QKI: variants seen among roughly 807,000 people sequenced by gnomAD.
QKI encodes the protein KH domain-containing RNA-binding protein QKI.
In QKI, 10 loss-of-function variants were observed where a neutral mutation model predicts 39.0. The observed-to-expected ratio is 0.26, with a 90% confidence interval of 0.16 to 0.43. The LOEUF (loss-of-function observed/expected upper bound fraction) is 0.43. QKI is among the 20% of genes least tolerant of loss of function. The pLI is 1.00. For synonymous variants in QKI, 204 were observed against 155.4 expected, an observed-to-expected ratio of 1.31 and a Z score of -2.33; for missense variants, 218 against 428.0, an observed-to-expected ratio of 0.51 and a Z score of 4.33.
In QKI at chr6:163,570,700, C is replaced by T. The variant is rs1783655075; in HGVS notation, c.1016C>T (p.Thr339Ile). The T allele has an allele frequency of 6.2e-7, 1 of 1,612,374 alleles. No homozygotes were observed. Among genetic ancestry groups the T allele is most frequent in the South Asian group, 1.1e-5 (1 of 90,986 alleles). ...TTTGTTTCTAACCACCCAGCCGCCA[C>T]CGGCAACTAACCTATGACCTTCTGA... ...QRIVTADRAA[T>I]GN is the part of the protein sequence containing the mutation. Residue 339 changes from threonine (T) to isoleucine (I), a missense_variant, in exon 8 of 8, where the codon ACC becomes ATC. Transcript: ENST00000361752.
At chr6:163,561,381 A>G (rs902123176) in intron 4 of QKI, among the ~76,000 whole-genome samples, 1 of 152,158 alleles carries the variant, frequency 6.6e-6, no homozygotes, top group Non-Finnish European at 1.5e-5. Flanking sequence ...CTGAAGCAGG[A>G]GGATCACTTG....
intron 3 of QKI, among the ~76,000 whole-genome samples, chr6:163,528,358 GT>G (rs796142627): frequency 6.5e-4 from 99 of 152,220 alleles, no homozygotes; most frequent in African/African-American, 2.3e-3. Context: ...TTATGATGCT[GT>G]TTTAGGTCAA....
intron 3 of QKI, among the ~76,000 whole-genome samples, chr6:163,483,542 A>C (rs558405795): frequency 2.6e-4 from 40 of 152,290 alleles, no homozygotes; most frequent in African/African-American, 8.4e-4. Flanking sequence ...CTACAAATAC[A>C]TTTCATCTCA....
chr6:163,478,470 T>G (rs1792796264), intron 2 of QKI, among the ~76,000 whole-genome samples: 1 of 152,218 alleles, frequency 6.6e-6, no homozygotes, highest in Non-Finnish European at 1.5e-5. Context: ...GCATCTAATA[T>G]TTTGTCAAAC....
chr6:163,562,102 C>T (rs559055789), intron 5 of QKI, 33 bp downstream of exon 5: 87 of 1,532,376 alleles, frequency 5.7e-5, no homozygotes, highest in Non-Finnish European at 7.6e-5. Context: ...AGGGTTACTG[C>T]TGTCTGCGTT....
chr6:163,515,935 ATTAT>A (rs1211712524), intron 3 of QKI, among the ~76,000 whole-genome samples: 11 of 152,060 alleles, frequency 7.2e-5, no homozygotes, highest in African/African-American at 2.7e-4. Flanking sequence ...GTATAAGCTG[ATTAT>A]TTATCTCTCA....
Position 163,572,657 on chromosome 6 carries a change from C to T in QKI, c.*1947C>T, listed in dbSNP as rs1348015099. On this transcript the variant is annotated 3_prime_UTR_variant, in exon 8 of 8. Coordinates refer to ENST00000361752, the MANE Select transcript of QKI (RefSeq NM_006775.3). ...GCTCAGTACCAGACGTGGCAAATCT[C>T]AAGTGACAGTGGACCCCCCCCCCCG... is the stretch of plus-strand genomic sequence containing the variant. 1 of 117,280 alleles carries T rather than the reference C, an allele frequency of 8.5e-6. No individual in the cohort carries two copies. 7.3% of individuals were successfully genotyped at this position (117,280 alleles called of 1,614,324 possible).
At position 163,521,545 on chromosome 6, in the gene QKI, CAG is replaced by C. The variant is rs549062579; in HGVS notation, c.403-13435_403-13434del. ...GCAGTTAGATATATATTTTTTGAGACAGAAACTCACTCTGTCGCCCAGGCTGG... is the reference window on the plus strand; with the variant it reads ...GCAGTTAGATATATATTTTTTGAGACAAACTCACTCTGTCGCCCAGGCTGG... On this transcript the variant is annotated intron_variant, in intron 3 of 7. Transcript: ENST00000361752. Among the ~76,000 whole-genome samples the C allele has an allele frequency of 2.3e-3, 353 of 152,206 alleles. 2 individuals carry two copies. Among genetic ancestry groups the C allele is most frequent in the Non-Finnish European group, 4.4e-3 (298 of 67,996 alleles).
At chr6:163,479,534 G>A (rs1226790923) in intron 3 of QKI, among the ~76,000 whole-genome samples, 1 of 152,090 alleles carries the variant, frequency 6.6e-6, no homozygotes, top group East Asian at 2.0e-4. Context: ...GCCATGCCCA[G>A]CTAATTTTTG....
intron 4 of QKI, among the ~76,000 whole-genome samples, chr6:163,552,826 C>T (rs937737171): frequency 6.6e-6 from 1 of 152,172 alleles, no homozygotes; most frequent in South Asian, 2.1e-4. Flanking sequence ...CTTGCTTTAC[C>T]TTTCTATCTC....
chr6:163,450,315 C>T (rs1790460787), intron 1 of QKI, among the ~76,000 whole-genome samples: 1 of 152,124 alleles, frequency 6.6e-6, no homozygotes, highest in Non-Finnish European at 1.5e-5. Context: ...ACCTCGGCCT[C>T]CCAAATTGTT....
At chr6:163,528,302 C>G (rs1470371942) in intron 3 of QKI, among the ~76,000 whole-genome samples, 2 of 152,110 alleles carry the variant, frequency 1.3e-5, no homozygotes, top group African/African-American at 4.8e-5. Flanking sequence ...GTAAAAAATT[C>G]TAGAGATTCC....
chr6:163,564,444 T>C lies in QKI; in HGVS notation c.934+725T>C, dbSNP rs1783228081. On this transcript the variant is annotated intron_variant, in intron 6 of 7. Coordinates refer to ENST00000361752, the MANE Select transcript of QKI (RefSeq NM_006775.3). ...TGCAGGCATGACTGTAGTTGTATTC[T>C]TAAGATTTTTCAGTTCTTGTGTTTT... is the stretch of plus-strand genomic sequence containing the variant. 5.0e-6 allele frequency: 7 copies of C among 1,404,818 alleles called. No homozygotes were observed. The South Asian group carries it at 6.4e-5, about 13-fold the overall frequency. 87.0% of individuals were successfully genotyped at this position (1,404,818 alleles called of 1,614,324 possible).
rs146331604 is a variant in QKI, at chr6:163,425,158, G to C, written c.142+9823G>C. 4.0e-4 allele frequency among the ~76,000 whole-genome samples: 61 copies of C among 152,310 alleles called. No individual in the cohort carries two copies. In the East Asian group the frequency reaches 0.01, roughly 26 times the overall value. On this transcript the variant is annotated intron_variant, in intron 1 of 7. Coordinates refer to ENST00000361752, the MANE Select transcript of QKI (RefSeq NM_006775.3). ...TATGTTTATTTGAGAAGTGGAACCT[G>C]AGTTGATATTAACAGCTGGTATGAT...
chr6:163,512,576 C>G (rs1779552325), intron 3 of QKI, among the ~76,000 whole-genome samples: 1 of 152,018 alleles, frequency 6.6e-6, no homozygotes, highest in Non-Finnish European at 1.5e-5. Flanking sequence ...CTCCTAATAA[C>G]TGATAAAGAG....
chr6:163,441,341 C>T (rs1340949619), intron 1 of QKI, among the ~76,000 whole-genome samples: 1 of 152,116 alleles, frequency 6.6e-6, no homozygotes, highest in East Asian at 1.9e-4. Context: ...GAGGAGTAAG[C>T]TAGCTAGAAT....
At chr6:163,473,546 T>C (rs1792359317) in intron 2 of QKI, among the ~76,000 whole-genome samples, 1 of 152,004 alleles carries the variant, frequency 6.6e-6, no homozygotes, top group Non-Finnish European at 1.5e-5. Flanking sequence ...CAGTCAAGAA[T>C]AAAAAAATGA....
At position 163,571,278 on chromosome 6, in the gene QKI, G is replaced by A. The variant is rs920075794; in HGVS notation, c.*568G>A. The stretch of plus-strand genomic sequence containing the variant: ...GTGCCCTCAAAGGGCAGAAGTTGCA[G>A]CCTTTTTTATATTGCCTGCCAAAAT... On this transcript the variant is annotated 3_prime_UTR_variant, in exon 8 of 8. Coordinates refer to ENST00000361752, the MANE Select transcript of QKI (RefSeq NM_006775.3). The A allele has an allele frequency of 4.6e-5, 7 of 152,274 alleles. No individual in the cohort carries two copies. Among genetic ancestry groups the A allele is most frequent in the African/African-American group, 1.4e-4 (6 of 41,560 alleles). The allele number at this position is 152,274 out of a possible 1,614,324, so 9.4% of individuals were successfully genotyped here.
chr6:163,566,210 G>A, intron 6 of QKI: 1 of 1,303,506 alleles, frequency 7.7e-7, no homozygotes, highest in East Asian at 3.1e-5. Flanking sequence ...GTACTATACT[G>A]TTTGCTTTAC....
Sources: gnomAD v4.1 joint callset for allele counts (sites outside exome capture counted in the v4.1 genomes callset) on GRCh38, gnomAD v4.1.1 for gene constraint, MANE v1.5 for transcripts, NCBI Gene and HGNC (gene_info 2026-07-23, HGNC 2026-07-21) for gene names.